SQOR: variants seen among roughly 807,000 people sequenced by gnomAD.
SQOR encodes sulfide:quinone oxidoreductase, mitochondrial.
SQOR carries 39 observed loss-of-function variants against 48.6 expected under a neutral mutation model. The ratio of observed to expected loss-of-function variants is 0.80; its 90% CI spans 0.62 to 1.05. SQOR has a LOEUF of 1.05. Among genes scored for constraint, SQOR ranks in the 50% least tolerant of loss-of-function variants. The probability of loss-of-function intolerance (pLI) is 0.00; values close to 1 mark genes in which losing one functional copy is unlikely to be tolerated. For missense variants in SQOR, 561 were observed against 559.9 expected, an observed-to-expected ratio of 1.00 and a Z score of -0.02; for synonymous variants, 220 against 206.2, an observed-to-expected ratio of 1.07 and a Z score of -0.57.
intron 7 of SQOR, among the ~76,000 whole-genome samples, chr15:45,685,494 G>C (rs1010784027): frequency 4.6e-5 from 7 of 152,142 alleles, no homozygotes; most frequent in African/African-American, 1.7e-4. Context: ...CTAAGATCAG[G>C]ATGTGGCATT....
At chr15:45,650,104 A>T (rs550452017) in intron 1 of SQOR, among the ~76,000 whole-genome samples, 1 of 151,858 alleles carries the variant, frequency 6.6e-6, no homozygotes, top group African/African-American at 2.4e-5. Context: ...CAGCCTCCCA[A>T]AGTGCTGGGA....
At position 45,682,494 on chromosome 15, in the gene SQOR, T is replaced by A. The variant is rs1188054765; in HGVS notation, c.881T>A (p.Val294Asp). 3 of 1,614,044 alleles carry A rather than the reference T, an allele frequency of 1.9e-6. No homozygotes were observed. The highest frequency in any genetic ancestry group is 2.5e-6 in the Non-Finnish European group (3 of 1,180,008). The change falls in exon 7 of 10, where the codon GTC becomes GAC. Residue 294 changes from valine (V) to aspartate (D), a missense_variant. Transcript: ENST00000260324. The stretch of plus-strand genomic sequence containing the variant: ...TGTGTGTAGTATGAAATGCTTCATG[T>A]CACACCTCCAATGAGCCCACCAGAT... Reference protein sequence around the residue: ...TQVISYEMLHVTPPMSPPDVL... With the variant: ...TQVISYEMLHDTPPMSPPDVL...
At chr15:45,643,491 G>C (rs1895142236) in intron 1 of SQOR, among the ~76,000 whole-genome samples, 1 of 152,140 alleles carries the variant, frequency 6.6e-6, no homozygotes, top group African/African-American at 2.4e-5. Context: ...CACCATGCCT[G>C]GCCTGGAAAC....
At chr15:45,673,428 C>G (rs542621355) in intron 4 of SQOR, among the ~76,000 whole-genome samples, 179 bp from the exon 5 acceptor site, 1 of 152,270 alleles carries the variant, frequency 6.6e-6, no homozygotes, top group South Asian at 2.1e-4. Context: ...TGACAGGTGA[C>G]TACAGGTGCC....
chr15:45,645,855 G>A (rs1895194823), intron 1 of SQOR: 1 of 152,236 alleles, frequency 6.6e-6, no homozygotes, highest in Non-Finnish European at 1.5e-5. Flanking sequence ...GTTAAATCTT[G>A]TTTTGACCCT....
At chr15:45,660,961 C>T (rs113172604) in intron 2 of SQOR, among the ~76,000 whole-genome samples, 221 of 152,168 alleles carry the variant, frequency 1.5e-3, no homozygotes, top group African/African-American at 5.2e-3. Context: ...CCCCTATGTC[C>T]AGAACTTTTA....
chr15:45,638,390 G>A (rs1421912242), intron 1 of SQOR, among the ~76,000 whole-genome samples: 1 of 152,094 alleles, frequency 6.6e-6, no homozygotes, highest in East Asian at 1.9e-4. Context: ...TCAGAAGTTC[G>A]AGGCTAGCCT....
chr15:45,675,569 A>G (rs916056528), intron 5 of SQOR, among the ~76,000 whole-genome samples: 2 of 151,524 alleles, frequency 1.3e-5, no homozygotes, highest in South Asian at 4.2e-4. Flanking sequence ...TAATTTTTAT[A>G]TTTTTGGTAG....
chr15:45,656,650 C>A (rs1272857547), intron 1 of SQOR, among the ~76,000 whole-genome samples: 5 of 152,192 alleles, frequency 3.3e-5, no homozygotes. Context: ...CAGAAGAAAT[C>A]AAAATCACTC....
At chr15:45,652,937 C>CG (rs1566916404) in intron 1 of SQOR, among the ~76,000 whole-genome samples, 1 of 150,410 alleles carries the variant, frequency 6.6e-6, no homozygotes, top group Admixed American at 6.6e-5. Flanking sequence ...CCAGCCTGGG[C>CG]GACAGAGCAA....
At chr15:45,682,401 A>G (rs1890139139) in intron 6 of SQOR, 77 bp from the exon 7 acceptor site, 2 of 1,499,530 alleles carry the variant, frequency 1.3e-6, no homozygotes. Context: ...GTATAGAGTA[A>G]GGAAGGTAGG....
rs1009996653 is a variant in SQOR, at chr15:45,688,484, C to T, written c.1116+80C>T. 7.6e-6 allele frequency: 8 copies of T among 1,053,110 alleles called. No homozygotes were observed. The Admixed American group carries it at 2.0e-4, about 26-fold the overall frequency. The allele number at this position is 1,053,110 out of a possible 1,614,324, so 65.2% of individuals were successfully genotyped here. A position where few individuals can be genotyped will look rare whatever the true frequency, so the allele number is the denominator to read the frequency against. On this transcript the variant is annotated intron_variant, in intron 8 of 9. Coordinates refer to ENST00000260324, the MANE Select transcript of SQOR (RefSeq NM_021199.4). Reference sequence around the variant, plus strand: ...AAAGTAGTGTTTTCCCACAATTTTGCACTTTCTGTCTTTTCTTTTTTTCTG... The same window carrying T: ...AAAGTAGTGTTTTCCCACAATTTTGTACTTTCTGTCTTTTCTTTTTTTCTG...
intron 7 of SQOR, among the ~76,000 whole-genome samples, chr15:45,685,881 C>T (rs1890214134): frequency 6.6e-6 from 1 of 152,092 alleles, no homozygotes; most frequent in African/African-American, 2.4e-5. Context: ...CTCTGTCGCC[C>T]AGGGTGGAGT....
intron 5 of SQOR, among the ~76,000 whole-genome samples, chr15:45,674,171 T>C (rs1889993910): frequency 1.3e-5 from 2 of 152,210 alleles, no homozygotes; most frequent in South Asian, 4.1e-4. Context: ...GTGTGGTGGC[T>C]CTCGCCTCTA....
chr15:45,689,575 G>A (rs1350620830), intron 9 of SQOR, among the ~76,000 whole-genome samples: 2 of 151,750 alleles, frequency 1.3e-5, no homozygotes, highest in Non-Finnish European at 2.9e-5. Flanking sequence ...CTGCCACCAC[G>A]CCTGGCTAAT....
chr15:45,636,159 AAAGG>A (rs1895001308), intron 1 of SQOR, among the ~76,000 whole-genome samples: 2 of 152,126 alleles, frequency 1.3e-5, no homozygotes, highest in Non-Finnish European at 2.9e-5. Context: ...GTATAAAACA[AAAGG>A]AAGAGTATTA....
rs563095768 is a variant in SQOR, at chr15:45,662,498, C to T, written c.405+373C>T. 1.2e-4 allele frequency among the ~76,000 whole-genome samples: 19 copies of T among 152,294 alleles called. No individual in the cohort carries two copies. In the South Asian group the frequency reaches 2.9e-3, roughly 23 times the overall value. On this transcript the variant is annotated intron_variant, in intron 3 of 9. Coordinates refer to ENST00000260324, the MANE Select transcript of SQOR (RefSeq NM_021199.4). ...TGAAGCAATCAGATTTTCTACCGGT[C>T]GCCTAGCCTCCCAGAACAATAGGAT... is the stretch of plus-strand genomic sequence containing the variant.
rs2140934422 is a variant in SQOR at position 45,635,057 on chromosome 15, C to T, written c.-69C>T. ...CCAGGCCTTGAGACCCAGAAGGGAG[C>T]GAAGGTTTTTGCTGCGCCAACGCAG... is the stretch of plus-strand genomic sequence containing the variant. On this transcript the variant is annotated 5_prime_UTR_variant, in exon 1 of 10. Transcript: ENST00000260324. 1 of 152,338 alleles carries T rather than the reference C, an allele frequency of 6.6e-6. No individual in the cohort carries two copies. The highest frequency in any genetic ancestry group is 2.1e-4 in the South Asian group (1 of 4,822). 9.4% of individuals were successfully genotyped at this position (152,338 alleles called of 1,614,324 possible).
chr15:45,637,254 C>T (rs996999853), intron 1 of SQOR, among the ~76,000 whole-genome samples: 2 of 152,146 alleles, frequency 1.3e-5, no homozygotes, highest in Non-Finnish European at 2.9e-5. Context: ...CCAAAGCAAC[C>T]ACCACACCCA....
Sources: allele counts gnomAD v4.1 joint callset (sites outside exome capture counted in the v4.1 genomes callset), GRCh38; gene constraint gnomAD v4.1.1; transcripts MANE v1.5; gene names NCBI Gene and HGNC (gene_info 2026-07-23, HGNC 2026-07-21).